MTREX: variants seen among roughly 807,000 people sequenced by gnomAD.
The protein encoded by MTREX is Mtr4 exosome RNA helicase.
A neutral mutation model predicts 135.4 loss-of-function variants in MTREX; 76 were observed. The ratio of observed to expected loss-of-function variants is 0.56; its 90% CI spans 0.47 to 0.68. The LOEUF is 0.68. Among genes scored for constraint, MTREX ranks in the 30% least tolerant of loss-of-function variants. MTREX has a pLI of 0.00. For synonymous variants in MTREX, 404 were observed against 401.6 expected (o/e 1.01, Z -0.07); for missense variants, 920 against 1,262.1 (o/e 0.73, Z 4.11).
Position 55,344,623 on chromosome 5 carries a change from A to T in MTREX, c.1005+3A>T, listed in dbSNP as rs1554031610. The T allele has an allele frequency of 6.5e-7, 1 of 1,547,002 alleles. No homozygotes were observed. The stretch of plus-strand genomic sequence containing the variant: ...TGCATCTTGTGGTTGATGAAAATGT[A>T]AGAGAGTAATTGTCCTTTTTAAATC... On this transcript the variant is annotated splice_donor_region_variant and intron_variant, in intron 9 of 26. Coordinates refer to ENST00000230640, the MANE Select transcript of MTREX (RefSeq NM_015360.5).
rs546697451 is a variant in MTREX at position 55,405,567 on chromosome 5, G to A, written c.2624G>A (p.Arg875Gln). 8 of 1,612,684 alleles carry A rather than the reference G, an allele frequency of 5.0e-6. No individual in the cohort carries two copies. Among genetic ancestry groups the A allele is most frequent in the South Asian group, 2.2e-5 (2 of 90,800 alleles). The change falls in exon 22 of 27, where the codon CGA becomes CAA. Residue 875 changes from arginine (R) to glutamine (Q), a missense_variant. Coordinates refer to ENST00000230640, the MANE Select transcript of MTREX (RefSeq NM_015360.5). Reference protein sequence around the residue: ...TSSDVIEMKGRVACEISSADE... With the variant: ...TSSDVIEMKGQVACEISSADE... ...TCTGATGTAATAGAGATGAAAGGAC[G>A]AGTGGCTTGTGAGATAAGCAGGTAA...
chr5:55,424,620 A>C, intron 26 of MTREX, 100 bp from the exon 27 acceptor site: 1 of 757,336 alleles, frequency 1.3e-6, no homozygotes, highest in South Asian at 1.6e-5. Flanking sequence ...CTCGCTTACC[A>C]GTTGAATCAG....
intron 2 of MTREX, among the ~76,000 whole-genome samples, chr5:55,322,785 G>GA (rs1714358202): frequency 6.6e-6 from 1 of 152,092 alleles, no homozygotes; most frequent in Non-Finnish European, 1.5e-5. Context: ...GGAATAAAAG[G>GA]AAAAAATAAA....
intron 25 of MTREX, among the ~76,000 whole-genome samples, chr5:55,422,255 C>G (rs1276123059): frequency 6.7e-6 from 1 of 149,210 alleles, no homozygotes; most frequent in Non-Finnish European, 1.5e-5. Flanking sequence ...ACACTTTTCT[C>G]AAACAGATTC....
In MTREX at chr5:55,345,015, G is replaced by T. The variant is rs530959346; in HGVS notation, c.1006-79G>T. Reference sequence around the variant, plus strand: ...TATTATACTAAATTATTTTTATTTGGGGAAGCCTTATGTATGAAAAATGTT... The same window carrying T: ...TATTATACTAAATTATTTTTATTTGTGGAAGCCTTATGTATGAAAAATGTT... On this transcript the variant is annotated intron_variant, in intron 9 of 26. Coordinates refer to ENST00000230640, the MANE Select transcript of MTREX (RefSeq NM_015360.5). 3 of 793,900 alleles carry T rather than the reference G, an allele frequency of 3.8e-6. No individual in the cohort carries two copies. The African/African-American group carries it at 5.3e-5, about 14-fold the overall frequency. 49.2% of individuals were successfully genotyped at this position (793,900 alleles called of 1,614,324 possible). A position where few individuals can be genotyped will look rare whatever the true frequency, so the allele number is the denominator to read the frequency against.
intron 16 of MTREX, among the ~76,000 whole-genome samples, chr5:55,375,281 G>A (rs552838374): frequency 2.0e-5 from 3 of 152,254 alleles, no homozygotes; most frequent in South Asian, 4.1e-4. Flanking sequence ...TACCTAATAA[G>A]CATGGGAGCG....
rs563557480 is a variant in MTREX at position 55,405,249 on chromosome 5, C to T, written c.2482-176C>T. On this transcript the variant is annotated intron_variant, in intron 21 of 26. Transcript: ENST00000230640. ...ACATCATTACTCTTGTGTAATGTTC[C>T]GGGAATGTATCTAAGAAGCTCCAGT... 4.0e-5 allele frequency: 20 copies of T among 504,086 alleles called. No individual in the cohort carries two copies. In the South Asian group the frequency reaches 4.8e-4, roughly 12 times the overall value. 31.2% of individuals were successfully genotyped at this position (504,086 alleles called of 1,614,324 possible). A position where few individuals can be genotyped will look rare whatever the true frequency, so the allele number is the denominator to read the frequency against.
intron 15 of MTREX, among the ~76,000 whole-genome samples, chr5:55,365,067 A>G (rs1750079106): frequency 6.6e-6 from 1 of 152,240 alleles, no homozygotes; most frequent in Non-Finnish European, 1.5e-5. Flanking sequence ...GTTGAGTTTC[A>G]GGTGACTGAG....
intron 16 of MTREX, among the ~76,000 whole-genome samples, chr5:55,373,466 A>G (rs887496436): frequency 6.6e-6 from 1 of 152,126 alleles, no homozygotes; most frequent in African/African-American, 2.4e-5. Flanking sequence ...ACAAAAATTT[A>G]TTTGTTGAGG....
intron 1 of MTREX, among the ~76,000 whole-genome samples, chr5:55,320,692 T>G (rs1476243701): frequency 6.6e-6 from 1 of 152,218 alleles, no homozygotes; most frequent in Non-Finnish European, 1.5e-5. Context: ...TTAGTTTTTT[T>G]GTTTGGGACT....
In MTREX at chr5:55,340,152, C is replaced by A; in HGVS notation, c.658C>A (p.Pro220Thr). 6.3e-7 allele frequency: 1 copy of A among 1,597,126 alleles called. No individual in the cohort carries two copies. The highest frequency in any genetic ancestry group is 1.7e-5 in the Admixed American group (1 of 57,196). Residue 220 changes from proline (P) to threonine (T), a missense_variant, in exon 6 of 27, where the codon CCT (proline) becomes ACT (threonine). By Grantham distance (38) the Pro-to-Thr change is conservative. Coordinates refer to ENST00000230640, the MANE Select transcript of MTREX (RefSeq NM_015360.5). ...GATGACTGGTGATGTTACTATTAAT[C>A]CTACGGCATCTTGTCTTGTTATGAC... ...GLMTGDVTIN[P>T]TASCLVMTTE...
intron 19 of MTREX, among the ~76,000 whole-genome samples, chr5:55,390,383 G>A (rs1750547414): frequency 6.6e-6 from 1 of 152,188 alleles, no homozygotes; most frequent in African/African-American, 2.4e-5. Flanking sequence ...TTACGTGCAT[G>A]AGCCACCGCA....
chr5:55,418,463 T>A (rs1372107988), intron 25 of MTREX, among the ~76,000 whole-genome samples: 2 of 148,368 alleles, frequency 1.3e-5, no homozygotes, highest in African/African-American at 5.0e-5. Flanking sequence ...ATGAGTTGAC[T>A]TTTTCCACAG....
At chr5:55,419,395 G>A (rs1751020738) in intron 25 of MTREX, among the ~76,000 whole-genome samples, 1 of 152,162 alleles carries the variant, frequency 6.6e-6, no homozygotes, top group Admixed American at 6.5e-5. Flanking sequence ...AGTTAACACT[G>A]TAATGATTAA....
chr5:55,313,444 A>G (rs567273075), intron 1 of MTREX, among the ~76,000 whole-genome samples: 1 of 152,118 alleles, frequency 6.6e-6, no homozygotes, highest in Non-Finnish European at 1.5e-5. Flanking sequence ...TGTCTCAAAA[A>G]AAAGAAAAGA....
At chr5:55,366,956 C>G (rs1218703797) in intron 16 of MTREX, 81 bp downstream of exon 16, 1 of 1,223,644 alleles carries the variant, frequency 8.2e-7, no homozygotes, top group Non-Finnish European at 1.1e-6. Flanking sequence ...GCTGCTTTGG[C>G]TTTTGTTTTT....
intron 15 of MTREX, among the ~76,000 whole-genome samples, chr5:55,365,293 A>C (rs754609296): frequency 2.6e-5 from 4 of 152,146 alleles, no homozygotes; most frequent in Non-Finnish European, 4.4e-5. Context: ...TTTCCTACTA[A>C]CTTCACCACT....
chr5:55,357,626 A>T (rs1028180319), intron 14 of MTREX: 1 of 152,408 alleles, frequency 6.6e-6, no homozygotes, highest in African/African-American at 2.4e-5. Context: ...TCAGCATCTC[A>T]GCAGCTCTGC....
chr5:55,409,911 T>C (rs1429028203), intron 22 of MTREX, among the ~76,000 whole-genome samples: 1 of 152,134 alleles, frequency 6.6e-6, no homozygotes, highest in Non-Finnish European at 1.5e-5. Context: ...TTGGAAAATA[T>C]GAATTAAAAT....
Sources: gnomAD v4.1 joint callset for allele counts (sites outside exome capture counted in the v4.1 genomes callset) on GRCh38, gnomAD v4.1.1 for gene constraint, MANE v1.5 for transcripts, NCBI Gene and HGNC (gene_info 2026-07-23, HGNC 2026-07-21) for gene names.